TBC1D32: variants seen among roughly 807,000 people sequenced by gnomAD.
TBC1D32 encodes the protein TBC1 domain family member 32.
A neutral mutation model predicts 170.3 loss-of-function variants in TBC1D32; 151 were observed. The ratio of observed to expected loss-of-function variants is 0.89; its 90% confidence interval spans 0.78 to 1.01. The LOEUF (loss-of-function observed/expected upper bound fraction) is 1.01, where lower values mean the gene tolerates loss of function less well. TBC1D32 is among the 50% of genes least tolerant of loss of function. The pLI is 0.00. For synonymous variants in TBC1D32, 498 were observed against 488.0 expected (o/e 1.02, Z -0.27); for missense variants, 1,464 against 1,457.1 (o/e 1.00, Z -0.08).
At chr6:121,328,566 G>T (rs142788431) in intron 1 of TBC1D32, among the ~76,000 whole-genome samples, 1 of 152,070 alleles carries the variant, frequency 6.6e-6, no homozygotes, top group Non-Finnish European at 1.5e-5. Flanking sequence ...TTACAGGCGT[G>T]AGCCACCATG....
At chr6:121,134,996 A>C (rs1029457289) in intron 24 of TBC1D32, among the ~76,000 whole-genome samples, 7 of 152,230 alleles carry the variant, frequency 4.6e-5, no homozygotes, top group Admixed American at 3.3e-4. Flanking sequence ...AAGTGCAAAA[A>C]TAATCTAAAG....
At chr6:121,140,349 C>T (rs1782637776) in intron 24 of TBC1D32, among the ~76,000 whole-genome samples, 2 of 150,094 alleles carry the variant, frequency 1.3e-5, no homozygotes, top group African/African-American at 4.9e-5. Flanking sequence ...AAAAAAGATA[C>T]TATAGAGGGA....
At chr6:121,283,698 T>C (rs987018549) in intron 13 of TBC1D32, 120 bp downstream of exon 13, 12 of 663,826 alleles carry the variant, frequency 1.8e-5, no homozygotes, top group Non-Finnish European at 3.1e-5. Flanking sequence ...CTCTTAATAC[T>C]GTATCTTAAT....
intron 10 of TBC1D32, among the ~76,000 whole-genome samples, chr6:121,295,642 T>C (rs111704735): frequency 0.019 from 2,868 of 148,818 alleles, 104 homozygotes; most frequent in African/African-American, 0.067. Flanking sequence ...GGATAGTTGA[T>C]AGAAAAAAAA....
intron 19 of TBC1D32, 116 bp from the exon 20 acceptor site, chr6:121,239,304 T>C: frequency 2.0e-6 from 1 of 497,480 alleles, no homozygotes; most frequent in East Asian, 2.8e-5. Flanking sequence ...GACACATACT[T>C]GCATCTTATA....
chr6:121,225,609 T>C (rs1794968309), intron 20 of TBC1D32, among the ~76,000 whole-genome samples: 1 of 152,054 alleles, frequency 6.6e-6, no homozygotes, highest in Admixed American at 6.6e-5. Context: ...GTGGACCACA[T>C]ACAATCAAGG....
chr6:121,103,045 T>C (rs1434594952), intron 30 of TBC1D32, among the ~76,000 whole-genome samples: 2 of 152,068 alleles, frequency 1.3e-5, no homozygotes, highest in Admixed American at 6.6e-5. Flanking sequence ...TACCATCTCA[T>C]GCCAGTTAGA....
At chr6:121,129,224 G>C (rs573276307) in intron 25 of TBC1D32, among the ~76,000 whole-genome samples, 3 of 152,262 alleles carry the variant, frequency 2.0e-5, no homozygotes, top group South Asian at 4.2e-4. Context: ...TCTATGCTTT[G>C]AGTACCCATA....
At chr6:121,314,564 C>CCTT (rs148811547) in intron 3 of TBC1D32, among the ~76,000 whole-genome samples, 7,859 of 152,206 alleles carry the variant, frequency 0.052, 398 homozygotes, top group East Asian at 0.12. Flanking sequence ...CCTAAACTCA[C>CCTT]CTGCATAAGG....
At chr6:121,168,394 G>A (rs1251804396) in intron 22 of TBC1D32, among the ~76,000 whole-genome samples, 1 of 131,224 alleles carries the variant, frequency 7.6e-6, no homozygotes, top group East Asian at 2.4e-4. Context: ...AAAAAATGAT[G>A]AGTTCATGTC....
chr6:121,260,229 C>T (rs1353265459), intron 15 of TBC1D32, among the ~76,000 whole-genome samples: 1 of 151,842 alleles, frequency 6.6e-6, no homozygotes, highest in Non-Finnish European at 1.5e-5. Flanking sequence ...TTGAATAAAC[C>T]TCCAATTTAA....
intron 11 of TBC1D32, among the ~76,000 whole-genome samples, chr6:121,293,826 G>A (rs1043060040): frequency 2.0e-5 from 3 of 152,056 alleles, no homozygotes; most frequent in African/African-American, 2.4e-5. Context: ...CAGGAGAGTC[G>A]CTTGAACCCA....
At chr6:121,255,802 A>G (rs1798926243) in intron 16 of TBC1D32, among the ~76,000 whole-genome samples, 1 of 152,110 alleles carries the variant, frequency 6.6e-6, no homozygotes, top group Admixed American at 6.5e-5. Flanking sequence ...ACTCCCAAAG[A>G]GTGTTAGTCT....
At chr6:121,188,017 C>T (rs185616330) in intron 22 of TBC1D32, among the ~76,000 whole-genome samples, 3 of 152,154 alleles carry the variant, frequency 2.0e-5, no homozygotes, top group Non-Finnish European at 4.4e-5. Flanking sequence ...TCTTTGGAAC[C>T]GGTCTATCTG....
chr6:121,169,103 A>G (rs193163748), intron 22 of TBC1D32, among the ~76,000 whole-genome samples: 1 of 152,322 alleles, frequency 6.6e-6, no homozygotes, highest in Admixed American at 6.5e-5. Flanking sequence ...AAGACCTCAA[A>G]TAGCCAACAC....
chr6:121,103,900 T>C (rs550826450), intron 30 of TBC1D32, among the ~76,000 whole-genome samples: 4 of 152,000 alleles, frequency 2.6e-5, no homozygotes, highest in African/African-American at 4.8e-5. Flanking sequence ...TTATGGTAAA[T>C]GTTTAAACAA....
Position 121,080,519 on chromosome 6 carries a change from T to G in TBC1D32, c.*252A>C. 2.7e-6 allele frequency: 1 copy of G among 366,794 alleles called. No homozygotes were observed. The highest frequency in any genetic ancestry group is 4.8e-6 in the Non-Finnish European group (1 of 210,278). The allele number at this position is 366,794 out of a possible 1,614,324, so 22.7% of individuals were successfully genotyped here. On this transcript the variant is annotated 3_prime_UTR_variant, in exon 32 of 32. Transcript: ENST00000398212. ...ATGAGCCACCGCGCCTGGCCAGGACTAACTCTTAAACATGAATAAGAACTA... is the reference window on the plus strand; with the variant it reads ...ATGAGCCACCGCGCCTGGCCAGGACGAACTCTTAAACATGAATAAGAACTA...
At chr6:121,240,512 A>G (rs1796835759) in intron 19 of TBC1D32, among the ~76,000 whole-genome samples, 1 of 151,872 alleles carries the variant, frequency 6.6e-6, no homozygotes, top group African/African-American at 2.4e-5. Context: ...TCATGTTATA[A>G]TTCAACTCTA....
At chr6:121,118,802 G>C (rs1257061770) in intron 26 of TBC1D32, among the ~76,000 whole-genome samples, 1 of 152,082 alleles carries the variant, frequency 6.6e-6, no homozygotes, top group African/African-American at 2.4e-5. Context: ...AAGTTCTGTT[G>C]CTTCTTTTCT....
Sources: allele counts gnomAD v4.1 joint callset (sites outside exome capture counted in the v4.1 genomes callset), GRCh38; gene constraint gnomAD v4.1.1; transcripts MANE v1.5; gene names NCBI Gene and HGNC (gene_info 2026-07-23, HGNC 2026-07-21).